Variants in TRAPPC9 observed in about 807,000 individuals in gnomAD.
The protein encoded by TRAPPC9 is IKK2 binding protein.
Under a neutral mutation model 124.0 loss-of-function variants are expected in TRAPPC9, and 83 were observed. The ratio of observed to expected loss-of-function variants is 0.67; its 90% CI spans 0.56 to 0.80. TRAPPC9 has a LOEUF of 0.80. Among genes scored for constraint, TRAPPC9 ranks in the 30% least tolerant of loss-of-function variants. TRAPPC9 has a pLI of 0.00. For missense variants in TRAPPC9, 1,302 were observed against 1,508.3 expected (o/e 0.86, Z 2.27); for synonymous variants, 638 against 617.5 (o/e 1.03, Z -0.49).
chr8:139,774,677 G>A (rs1048850770), intron 21 of TRAPPC9, among the ~76,000 whole-genome samples: 3 of 152,172 alleles, frequency 2.0e-5, no homozygotes, highest in South Asian at 2.1e-4. Context: ...AACATTTCCC[G>A]GAGGAACGAG....
At chr8:140,283,835 G>C (rs533329269) in intron 14 of TRAPPC9, 54 bp downstream of exon 14, 1 of 1,608,132 alleles carries the variant, frequency 6.2e-7, no homozygotes, top group Non-Finnish European at 8.5e-7. Context: ...AAAAATGTAG[G>C]ACCAAAAATG....
intron 19 of TRAPPC9, among the ~76,000 whole-genome samples, chr8:139,970,539 A>C: frequency 6.6e-6 from 1 of 152,140 alleles, no homozygotes; most frequent in Non-Finnish European, 1.5e-5. Flanking sequence ...CCCTTCATAC[A>C]GCCTGTCCCA....
In TRAPPC9 at chr8:140,012,771, C is replaced by T. The variant is rs1384317951; in HGVS notation, c.2699+11166G>A. 2.6e-5 allele frequency among the ~76,000 whole-genome samples: 4 copies of T among 152,206 alleles called. No individual in the cohort carries two copies. The East Asian group carries it at 7.7e-4, about 29-fold the overall frequency. On this transcript the variant is annotated intron_variant, in intron 18 of 22. Coordinates refer to ENST00000438773, the MANE Select transcript of TRAPPC9 (RefSeq NM_001160372.4). ...ACACGGGGCAACACGTTCTCTAGCC[C>T]ACACTCCCTAGCATGTCAAATGTAC...
intron 5 of TRAPPC9, among the ~76,000 whole-genome samples, chr8:140,419,210 G>T (rs1201625579): frequency 4.0e-5 from 6 of 151,200 alleles, no homozygotes; most frequent in African/African-American, 1.5e-4. Flanking sequence ...GGGTGGATCA[G>T]GAGGTCAGGA....
Position 139,729,382 on chromosome 8 carries a change from G to A in TRAPPC9, c.*1679C>T, listed in dbSNP as rs1400667627. Reference sequence around the variant, plus strand: ...TTTGTTCCATTCAGAAACAGCCCAGGTGGCCAGGCCCTCAACTACGCTGAG... The same window carrying A: ...TTTGTTCCATTCAGAAACAGCCCAGATGGCCAGGCCCTCAACTACGCTGAG... On this transcript the variant is annotated 3_prime_UTR_variant, in exon 23 of 23. Coordinates refer to ENST00000438773, the MANE Select transcript of TRAPPC9 (RefSeq NM_001160372.4). Among the ~76,000 whole-genome samples, 1 of 152,230 alleles carries A rather than the reference G, an allele frequency of 6.6e-6. No homozygotes were observed.
intron 17 of TRAPPC9, among the ~76,000 whole-genome samples, chr8:140,080,826 G>A (rs527925474): frequency 6.6e-6 from 1 of 152,344 alleles, no homozygotes; most frequent in South Asian, 2.1e-4. Context: ...CATCATGTGT[G>A]TAATGAACCT....
chr8:140,408,085 C>T (rs994784890), intron 5 of TRAPPC9, among the ~76,000 whole-genome samples: 1 of 152,152 alleles, frequency 6.6e-6, no homozygotes, highest in African/African-American at 2.4e-5. Context: ...GTTCTAGAAA[C>T]ACTAGTAAGC....
chr8:140,278,186 C>T (rs1282389790), intron 14 of TRAPPC9, among the ~76,000 whole-genome samples: 1 of 152,186 alleles, frequency 6.6e-6, no homozygotes, highest in African/African-American at 2.4e-5. Context: ...TCACTGCAAC[C>T]TCTGCCTCCC....
intron 21 of TRAPPC9, among the ~76,000 whole-genome samples, chr8:139,876,774 G>C (rs548444038): frequency 1.3e-5 from 2 of 152,248 alleles, no homozygotes; most frequent in Admixed American, 1.3e-4. Flanking sequence ...GTGGTTCCAG[G>C]CTCCAACAAC....
intron 21 of TRAPPC9, among the ~76,000 whole-genome samples, chr8:139,765,039 G>A (rs1423743906): frequency 1.3e-5 from 2 of 152,154 alleles, no homozygotes; most frequent in Non-Finnish European, 2.9e-5. Flanking sequence ...GAGACACTCC[G>A]TCACCTTCTT....
At chr8:140,307,269 C>G (rs749307487) in intron 10 of TRAPPC9, among the ~76,000 whole-genome samples, 3 of 152,156 alleles carry the variant, frequency 2.0e-5, no homozygotes, top group Non-Finnish European at 4.4e-5. Context: ...AACACTGCAG[C>G]GGACAGAGCT....
At chr8:140,075,888 A>C (rs962164987) in intron 17 of TRAPPC9, among the ~76,000 whole-genome samples, 5 of 152,238 alleles carry the variant, frequency 3.3e-5, no homozygotes, top group Non-Finnish European at 7.3e-5. Context: ...ACTTCTGCTT[A>C]GCTGCCTTTT....
At chr8:140,193,182 T>G (rs1376202195) in intron 17 of TRAPPC9, among the ~76,000 whole-genome samples, 3 of 152,170 alleles carry the variant, frequency 2.0e-5, no homozygotes, top group Non-Finnish European at 4.4e-5. Flanking sequence ...TGGAGGAAAT[T>G]TTCTAAATAA....
At chr8:139,926,649 G>A (rs111398714) in intron 19 of TRAPPC9, among the ~76,000 whole-genome samples, 2,418 of 150,844 alleles carry the variant, frequency 0.016, 76 homozygotes, top group African/African-American at 0.055. Context: ...AACCTGGGAG[G>A]CGGAGGTTGC....
At chr8:139,949,223 G>C (rs1375454958) in intron 19 of TRAPPC9, among the ~76,000 whole-genome samples, 2 of 151,912 alleles carry the variant, frequency 1.3e-5, no homozygotes, top group Non-Finnish European at 2.9e-5. Context: ...ACTGTAAAAG[G>C]GTAAAAGAAA....
rs11292333 is a variant in TRAPPC9 at position 140,125,587 on chromosome 8, C to CTTTTTTTTTTTTTT, written c.2556+95858_2556+95871dup. Among the ~76,000 whole-genome samples, 60 of 67,820 alleles carry CTTTTTTTTTTTTTT rather than the reference C, an allele frequency of 8.8e-4. 5 individuals carry two copies. The highest frequency in any genetic ancestry group is 2.0e-3 in the African/African-American group (32 of 16,278). The allele number at this position is 67,820 out of a possible 152,430, so 44.5% of individuals were successfully genotyped here. A position where few individuals can be genotyped will look rare whatever the true frequency, so the allele number is the denominator to read the frequency against. ...GCATGTTCATTTATCGAATCTCATT[C>CTTTTTTTTTTTTTT]TTTTTTTTTTTTTTTTTTTTTTTTT... On this transcript the variant is annotated intron_variant, in intron 17 of 22. Transcript: ENST00000438773.
Position 140,404,703 on chromosome 8 carries a change from C to CGCACATGTGAGCATGTGTGT in TRAPPC9, c.1008+854_1008+873dup, listed in dbSNP as rs1443585316. 8.6e-4 allele frequency among the ~76,000 whole-genome samples: 131 copies of CGCACATGTGAGCATGTGTGT among 151,598 alleles called. 1 individual carries two copies. Among genetic ancestry groups the CGCACATGTGAGCATGTGTGT allele is most frequent in the Admixed American group, 2.6e-3 (40 of 15,196 alleles). ...GCATGTGTGTGTACGTGCATGTGTG[C>CGCACATGTGAGCATGTGTGT]GCACATGTGAGCATGTGTGTACATG... On this transcript the variant is annotated intron_variant, in intron 6 of 22. Transcript: ENST00000438773.
Position 139,961,457 on chromosome 8 carries a change from G to A in TRAPPC9, c.2810+27269C>T, listed in dbSNP as rs973981184. Among the ~76,000 whole-genome samples, 4 of 123,220 alleles carry A rather than the reference G, an allele frequency of 3.2e-5. 1 individual carries two copies. Among genetic ancestry groups the A allele is most frequent in the African/African-American group, 5.1e-5 (2 of 39,146 alleles). The allele number at this position is 123,220 out of a possible 152,430, so 80.8% of individuals were successfully genotyped here. A position where few individuals can be genotyped will look rare whatever the true frequency, so the allele number is the denominator to read the frequency against. On this transcript the variant is annotated intron_variant, in intron 19 of 22. Coordinates refer to ENST00000438773, the MANE Select transcript of TRAPPC9 (RefSeq NM_001160372.4). ...TGCAGACCCAGGCCTCCTGCTCTACGGAGCAGGCAAGAGCCCCACCCTACT... is the reference window on the plus strand; with the variant it reads ...TGCAGACCCAGGCCTCCTGCTCTACAGAGCAGGCAAGAGCCCCACCCTACT...
chr8:139,750,196 T>C (rs986591438), intron 21 of TRAPPC9, among the ~76,000 whole-genome samples: 2 of 151,972 alleles, frequency 1.3e-5, no homozygotes, highest in Non-Finnish European at 2.9e-5. Context: ...TCCCCAGGCT[T>C]CTCTGATGGG....
Sources: allele counts gnomAD v4.1 joint callset (sites outside exome capture counted in the v4.1 genomes callset), GRCh38; gene constraint gnomAD v4.1.1; transcripts MANE v1.5; gene names NCBI Gene and HGNC (gene_info 2026-07-23, HGNC 2026-07-21).